DLG2: variants seen among roughly 807,000 people sequenced by gnomAD.
The protein encoded by DLG2 is discs large MAGUK scaffold protein 2.
In DLG2, 45 loss-of-function variants were observed where a neutral mutation model predicts 132.5. The ratio of observed to expected loss-of-function variants is 0.34; its 90% confidence interval spans 0.27 to 0.44. The LOEUF (loss-of-function observed/expected upper bound fraction) is 0.44, where lower values mean the gene tolerates loss of function less well. Ranked by LOEUF, DLG2 falls within the 20% of genes least tolerant of loss-of-function variation. The probability of loss-of-function intolerance (pLI) is 1.00; values close to 1 mark genes in which losing one functional copy is unlikely to be tolerated. For synonymous variants in DLG2, 424 were observed against 419.6 expected (o/e 1.01, Z -0.13); for missense variants, 1,045 against 1,196.9 (o/e 0.87, Z 1.87).
At chr11:84,910,758 GA>G (rs34120243) in intron 6 of DLG2, among the ~76,000 whole-genome samples, 1 of 127,808 alleles carries the variant, frequency 7.8e-6, no homozygotes, top group Admixed American at 8.0e-5. Context: ...CAAAAAGGAA[GA>G]AAAAACAACA....
intron 6 of DLG2, among the ~76,000 whole-genome samples, chr11:84,650,856 TG>T (rs2099680736): frequency 2.4e-5 from 2 of 84,140 alleles, no homozygotes; most frequent in African/African-American, 6.1e-5. Context: ...TGTATGTGTG[TG>T]TGTGTGTGTG....
chr11:84,721,814 A>C (rs2061867345), intron 6 of DLG2, among the ~76,000 whole-genome samples: 1 of 152,162 alleles, frequency 6.6e-6, no homozygotes, highest in Non-Finnish European at 1.5e-5. Flanking sequence ...CTGTTTGCTT[A>C]CCTGTAACTA....
rs963067126 is a variant in DLG2, at chr11:83,847,681, A to G, written c.1566-13911T>C. On this transcript the variant is annotated intron_variant, in intron 16 of 27. Transcript: ENST00000376104. The stretch of plus-strand genomic sequence containing the variant: ...GTGAAAAAGGCAAACCAGAATCGCC[A>G]CGATCCCTTCCAGTTCTAGCATTTC... Among the ~76,000 whole-genome samples the G allele has an allele frequency of 9.9e-5, 15 of 152,198 alleles. 1 individual carries two copies. The highest frequency in any genetic ancestry group is 7.9e-4 in the Admixed American group (12 of 15,284).
intron 3 of DLG2, among the ~76,000 whole-genome samples, chr11:85,475,230 G>A (rs187236253): frequency 1.3e-5 from 2 of 151,754 alleles, no homozygotes; most frequent in Admixed American, 1.3e-4. Flanking sequence ...CAAAGTAGTA[G>A]CAAAACTGTA....
chr11:85,240,674 G>A (rs144381118), intron 4 of DLG2, among the ~76,000 whole-genome samples: 50 of 151,662 alleles, frequency 3.3e-4, no homozygotes, highest in Admixed American at 1.4e-3. Context: ...TTCTCCATTC[G>A]TCTGTCATAA....
chr11:83,532,870 C>T, intron 20 of DLG2, 87 bp from the exon 21 acceptor site: 1 of 1,112,716 alleles, frequency 9.0e-7, no homozygotes, highest in Non-Finnish European at 1.3e-6. Flanking sequence ...TTTTTTCCTC[C>T]TATCCTTGAA....
In DLG2 at chr11:85,156,965, T is replaced by C. The variant is rs367948729; in HGVS notation, c.187-2314A>G. Reference sequence around the variant, plus strand: ...ATTGTTCCTGAATATGTCTGTGAGGTTGTTGCCAAAAAGATTAACATTTGA... The same window carrying C: ...ATTGTTCCTGAATATGTCTGTGAGGCTGTTGCCAAAAAGATTAACATTTGA... On this transcript the variant is annotated intron_variant, in intron 4 of 27. Transcript: ENST00000376104. Among the ~76,000 whole-genome samples the C allele has an allele frequency of 3.0e-3, 451 of 152,270 alleles. 4 individuals carry two copies. Among genetic ancestry groups the C allele is most frequent in the Middle Eastern group, 0.014 (4 of 294 alleles).
At chr11:83,497,534 C>CAAAAAAAAA (rs201552213) in intron 21 of DLG2, among the ~76,000 whole-genome samples, 1 of 84,156 alleles carries the variant, frequency 1.2e-5, no homozygotes, top group East Asian at 4.2e-4. Flanking sequence ...GACTTCGTCT[C>CAAAAAAAAA]AAAAACAAAA....
At chr11:83,983,248 T>G (rs2092955409) in intron 11 of DLG2, among the ~76,000 whole-genome samples, 1 of 152,244 alleles carries the variant, frequency 6.6e-6, no homozygotes, top group Non-Finnish European at 1.5e-5. Context: ...CATTGCATTT[T>G]ACAATCATAA....
chr11:85,181,656 T>G (rs80036524), intron 4 of DLG2, among the ~76,000 whole-genome samples: 5,842 of 151,938 alleles, frequency 0.038, 153 homozygotes, highest in African/African-American at 0.067. Flanking sequence ...TTTTCCTGTA[T>G]TCATTTTGCT....
chr11:84,039,912 C>G (rs1225594186), intron 11 of DLG2, among the ~76,000 whole-genome samples: 2 of 147,162 alleles, frequency 1.4e-5, no homozygotes, highest in Admixed American at 6.9e-5. Context: ...GATTGCCATT[C>G]TAACTGGTGT....
chr11:85,439,683 G>C (rs115376468), intron 3 of DLG2, among the ~76,000 whole-genome samples: 3,625 of 152,124 alleles, frequency 0.024, 143 homozygotes, highest in African/African-American at 0.082. Flanking sequence ...TTAATCCGAG[G>C]ATCACAATAT....
chr11:85,218,585 G>T (rs1036066753), intron 4 of DLG2, among the ~76,000 whole-genome samples: 2 of 152,118 alleles, frequency 1.3e-5, no homozygotes, highest in Non-Finnish European at 2.9e-5. Flanking sequence ...ATGAGGCTGT[G>T]GAGAAAAGGG....
At chr11:84,232,914 A>G (rs188936073) in intron 8 of DLG2, among the ~76,000 whole-genome samples, 10 of 152,322 alleles carry the variant, frequency 6.6e-5, no homozygotes, top group African/African-American at 2.4e-4. Flanking sequence ...AGTTCCAGCA[A>G]TGCCCATAAA....
chr11:83,678,064 G>A (rs2078080120), intron 18 of DLG2, among the ~76,000 whole-genome samples: 1 of 152,164 alleles, frequency 6.6e-6, no homozygotes, highest in African/African-American at 2.4e-5. Flanking sequence ...CCAAGCAACT[G>A]TTTTCAAGTG....
intron 27 of DLG2, 140 bp from the exon 28 acceptor site, chr11:83,460,064 G>A (rs1272495019): frequency 3.6e-6 from 2 of 558,120 alleles, no homozygotes; most frequent in East Asian, 5.6e-5. Flanking sequence ...TTAGTAAGAA[G>A]AAGCAGAAAA....
intron 3 of DLG2, among the ~76,000 whole-genome samples, chr11:85,419,515 G>A (rs544781173): frequency 4.8e-4 from 73 of 151,930 alleles, no homozygotes; most frequent in African/African-American, 1.4e-3. Flanking sequence ...ATCCTGAAGC[G>A]CAAGCATGTT....
chr11:83,497,203 A>G (rs2094190233), intron 21 of DLG2, among the ~76,000 whole-genome samples: 1 of 152,216 alleles, frequency 6.6e-6, no homozygotes, highest in Non-Finnish European at 1.5e-5. Flanking sequence ...AAACACAACA[A>G]AATAACTGAA....
intron 7 of DLG2, among the ~76,000 whole-genome samples, chr11:84,371,172 AC>A (rs796116480): frequency 1.1e-4 from 16 of 152,240 alleles, no homozygotes; most frequent in African/African-American, 3.9e-4. Flanking sequence ...TTAATATGGC[AC>A]TATTTCACTA....
Sources: allele counts gnomAD v4.1 joint callset (sites outside exome capture counted in the v4.1 genomes callset), GRCh38; gene constraint gnomAD v4.1.1; transcripts MANE v1.5; gene names NCBI Gene and HGNC (gene_info 2026-07-23, HGNC 2026-07-21).